The following SLC6A20 variants were observed in gnomAD, a reference collection of about 807,000 sequenced individuals.
SLC6A20 encodes the protein sodium- and chloride-dependent transporter XTRP3.
Under a neutral mutation model 64.3 loss-of-function variants are expected in SLC6A20, and 73 were observed. The ratio of observed to expected loss-of-function variants is 1.14; its 90% confidence interval spans 0.94 to 1.38. The LOEUF is 1.38. Ranked by LOEUF, SLC6A20 falls within the 40% of genes most tolerant of loss-of-function variation. The probability of loss-of-function intolerance (pLI) is 0.00; values close to 1 mark genes in which losing one functional copy is unlikely to be tolerated. For synonymous variants in SLC6A20, 347 were observed against 329.6 expected, an observed-to-expected ratio of 1.05 and a Z score of -0.57; for missense variants, 725 against 772.8, an observed-to-expected ratio of 0.94 and a Z score of 0.73.
chr3:45,758,439 A>G lies in SLC6A20; in HGVS notation c.*539T>C. The G allele has an allele frequency of 7.9e-7, 1 of 1,273,858 alleles. No individual in the cohort carries two copies. The highest frequency in any genetic ancestry group is 1.0e-6 in the Non-Finnish European group (1 of 983,268). The allele number at this position is 1,273,858 out of a possible 1,614,324, so 78.9% of individuals were successfully genotyped here. On this transcript the variant is annotated 3_prime_UTR_variant, in exon 11 of 11. Coordinates refer to ENST00000358525, the MANE Select transcript of SLC6A20 (RefSeq NM_020208.4). The stretch of plus-strand genomic sequence containing the variant: ...TCCCAGACAAAGATCTTCTTTCTTT[A>G]TAACTTGTCATCCTAAGATTTAAAG...
chr3:45,760,419 C>A (rs1204652580), intron 9 of SLC6A20, among the ~76,000 whole-genome samples: 1 of 152,124 alleles, frequency 6.6e-6, no homozygotes, highest in African/African-American at 2.4e-5. Flanking sequence ...TGCCCACCCC[C>A]CTACCCAGCC....
intron 7 of SLC6A20, 86 bp downstream of exon 7, chr3:45,770,123 C>T (rs749058719): frequency 3.8e-5 from 59 of 1,551,500 alleles, no homozygotes; most frequent in Non-Finnish European, 4.9e-5. Context: ...TTACAGACCT[C>T]GCCTATCTCC....
intron 1 of SLC6A20, 28 bp downstream of exon 1, chr3:45,796,271 C>T (rs920934163): frequency 1.9e-6 from 3 of 1,578,644 alleles, no homozygotes; most frequent in South Asian, 1.1e-5. Context: ...CAGAGTTGGG[C>T]TGGGGCCGGG....
In SLC6A20 at chr3:45,762,945, C is replaced by T. The variant is rs143359149; in HGVS notation, c.1431G>A (p.Thr477=). 1.9e-5 allele frequency: 30 copies of T among 1,614,032 alleles called. No homozygotes were observed. Among genetic ancestry groups the T allele is most frequent in the South Asian group, 6.6e-5 (6 of 91,084 alleles). The change falls in exon 9 of 11, where the codon ACG becomes ACA. Residue 477 remains threonine (T), a synonymous_variant. Transcript: ENST00000358525. The part of the protein sequence containing the change: ...LSLLLIVLVE[T]IAVCYVYGLR... ...GCCCGTACACGTAGCACACGGCAAT[C>T]GTCTCCACCAGCACGATGAGCAGCA... is the stretch of plus-strand genomic sequence containing the variant.
At chr3:45,785,869 G>C (rs571542224) in intron 1 of SLC6A20, among the ~76,000 whole-genome samples, 3 of 152,256 alleles carry the variant, frequency 2.0e-5, no homozygotes, top group Admixed American at 2.0e-4. Context: ...CCAGGCCTCA[G>C]GATGCCTTGC....
At position 45,796,456 on chromosome 3, in the gene SLC6A20, G is replaced by T. The variant is rs1445647457; in HGVS notation, c.-37C>A. 5.0e-6 allele frequency: 8 copies of T among 1,595,362 alleles called. No homozygotes were observed. The highest frequency in any genetic ancestry group is 1.4e-5 in the African/African-American group (1 of 73,126). The stretch of plus-strand genomic sequence containing the variant: ...CGGCGCGCTCGGCTCCGGCTCGGGG[G>T]TCCGGCACGGCAGTCTCAGTGCGCG... On this transcript the variant is annotated 5_prime_UTR_variant, in exon 1 of 11. Transcript: ENST00000358525.
In SLC6A20 at chr3:45,757,170, G is replaced by C. The variant is rs1699560399; in HGVS notation, c.*1808C>G. On this transcript the variant is annotated 3_prime_UTR_variant, in exon 11 of 11. Coordinates refer to ENST00000358525, the MANE Select transcript of SLC6A20 (RefSeq NM_020208.4). ...GGCGGTTTTCTCCTATCTCAGAATA[G>C]AACGAATGGGAATGGTCAGCTTTTT... 8.5e-6 allele frequency: 1 copy of C among 117,644 alleles called. No individual in the cohort carries two copies. Among genetic ancestry groups the C allele is most frequent in the South Asian group, 3.3e-4 (1 of 3,042 alleles). The allele number at this position is 117,644 out of a possible 1,614,324, so 7.3% of individuals were successfully genotyped here. A position where few individuals can be genotyped will look rare whatever the true frequency, so the allele number is the denominator to read the frequency against.
chr3:45,773,593 T>C (rs190270724), intron 4 of SLC6A20, among the ~76,000 whole-genome samples: 2 of 152,348 alleles, frequency 1.3e-5, no homozygotes, highest in Admixed American at 1.3e-4. Context: ...GAAATAAATA[T>C]TTTGCAAGAT....
At chr3:45,769,029 TGA>T (rs1699817599) in intron 7 of SLC6A20, among the ~76,000 whole-genome samples, 1 of 152,142 alleles carries the variant, frequency 6.6e-6, no homozygotes, top group Non-Finnish European at 1.5e-5. Context: ...TACATAAATA[TGA>T]GAATTAATAA....
In SLC6A20 at chr3:45,765,759, A is replaced by T; in HGVS notation, c.1099-18T>A. 6.2e-7 allele frequency: 1 copy of T among 1,613,848 alleles called. No homozygotes were observed. Among genetic ancestry groups the T allele is most frequent in the Non-Finnish European group, 8.5e-7 (1 of 1,179,838 alleles). On this transcript the variant is annotated intron_variant, in intron 7 of 10. Coordinates refer to ENST00000358525, the MANE Select transcript of SLC6A20 (RefSeq NM_020208.4). The surrounding 1 kb of genome is among the most constrained non-coding windows in gnomAD (Gnocchi z 4.2). ...TGGACGGCCTGCCCAGGGTGAGAAG[A>T]CACCAGTTACATGCAAGAGGGACTT...
rs139609335 is a variant in SLC6A20, at chr3:45,771,372, G to T, written c.780C>A (p.Ile260=). The change falls in exon 6 of 11, where the codon ATC becomes ATA. Residue 260 remains isoleucine, a synonymous_variant. Coordinates refer to ENST00000358525, the MANE Select transcript of SLC6A20 (RefSeq NM_020208.4). ...FSLGLGFGSL[I]AFASYNEPSN... is the part of the protein sequence containing the mutation. Reference sequence around the variant, plus strand: ...ATGGCTCATTGTAGCTGGCGAAGGCGATCAGGCTGCCGAAGCCCAGGCCAA... The same window carrying T: ...ATGGCTCATTGTAGCTGGCGAAGGCTATCAGGCTGCCGAAGCCCAGGCCAA... 385 of 1,614,122 alleles carry T rather than the reference G, an allele frequency of 2.4e-4. 1 individual carries two copies. The highest frequency in any genetic ancestry group is 2.3e-4 in the Non-Finnish European group (270 of 1,180,060).
chr3:45,792,121 C>G (rs1431848311), intron 1 of SLC6A20, among the ~76,000 whole-genome samples: 1 of 152,194 alleles, frequency 6.6e-6, no homozygotes, highest in African/African-American at 2.4e-5. Flanking sequence ...GGACATCGCA[C>G]AGGCTCCTGG....
At chr3:45,794,358 G>A (rs975819889) in intron 1 of SLC6A20, among the ~76,000 whole-genome samples, 5 of 152,106 alleles carry the variant, frequency 3.3e-5, no homozygotes, top group South Asian at 2.1e-4. Context: ...TGGACTGTTC[G>A]GTCTTTATTC....
intron 7 of SLC6A20, among the ~76,000 whole-genome samples, chr3:45,767,260 TTGC>T (rs1222819074): frequency 9.2e-5 from 14 of 152,200 alleles, no homozygotes; most frequent in African/African-American, 3.4e-4. Flanking sequence ...TCTCCTTCTC[TTGC>T]CTATGGCCAC....
At chr3:45,760,905 C>T (rs1559561057) in intron 9 of SLC6A20, among the ~76,000 whole-genome samples, 1 of 152,224 alleles carries the variant, frequency 6.6e-6, no homozygotes, top group East Asian at 1.9e-4. Context: ...CTGGGTTGGC[C>T]TCCTGCCTCC....
chr3:45,791,954 G>C (rs1700260480), intron 1 of SLC6A20, among the ~76,000 whole-genome samples: 1 of 152,230 alleles, frequency 6.6e-6, no homozygotes, highest in Non-Finnish European at 1.5e-5. Context: ...GATCAAAGGA[G>C]GGCTTTGTGG....
Position 45,765,011 on chromosome 3 carries a change from G to A in SLC6A20, c.1303+526C>T, listed in dbSNP as rs1575425450. ...GCGAATCACCTGGGGTCAGGAGTTC[G>A]AGACCAGCCTGGCCAACATGGTGAA... is the stretch of plus-strand genomic sequence containing the variant. On this transcript the variant is annotated intron_variant, in intron 8 of 10. Transcript: ENST00000358525. This position sits in a 1 kb window ranked among gnomAD's most constrained non-coding sequence, Gnocchi z 4.2. Among the ~76,000 whole-genome samples, 1 of 151,926 alleles carries A rather than the reference G, an allele frequency of 6.6e-6. No homozygotes were observed. The highest frequency in any genetic ancestry group is 2.0e-4 in the East Asian group (1 of 5,118).
At position 45,772,534 on chromosome 3, in the gene SLC6A20, T is replaced by C. The variant is rs1350122716; in HGVS notation, c.664A>G (p.Asn222Asp). 6.2e-7 allele frequency: 1 copy of C among 1,613,970 alleles called. No homozygotes were observed. Among genetic ancestry groups the C allele is most frequent in the Admixed American group, 1.7e-5 (1 of 59,980 alleles). ...GGAGTGAACATGTACATGAGGCCAT[T>C]GGTGGCTCCGTGGAGCGTGAGGCCC... ...IRGLTLHGAT[N>D]GLMYMFTPKI... Residue 222 changes from asparagine to aspartate, a missense_variant, in exon 5 of 11, where the codon AAT becomes GAT. Transcript: ENST00000358525.
chr3:45,770,881 G>T (rs1205156980), intron 6 of SLC6A20, among the ~76,000 whole-genome samples: 1 of 152,146 alleles, frequency 6.6e-6, no homozygotes, highest in Non-Finnish European at 1.5e-5. Flanking sequence ...TTGGGCAAGG[G>T]GCCACAGAAA....
Sources: gnomAD v4.1 joint callset for allele counts (sites outside exome capture counted in the v4.1 genomes callset) on GRCh38, gnomAD v4.1.1 for gene constraint, Gnocchi (gnomAD v3.1) non-coding constraint, MANE v1.5 for transcripts, NCBI Gene and HGNC (gene_info 2026-07-23, HGNC 2026-07-21) for gene names.